NCR2: variants seen among roughly 807,000 people sequenced by gnomAD.
NCR2 encodes the protein NK cell activating receptor (NKp44).
Under a neutral mutation model 30.7 loss-of-function variants are expected in NCR2, and 35 were observed. The observed-to-expected ratio is 1.14, with a 90% CI of 0.87 to 1.51. NCR2 has a LOEUF of 1.51. Ranked by LOEUF, NCR2 falls within the 40% of genes most tolerant of loss-of-function variation. The pLI, the probability that NCR2 is intolerant of heterozygous loss-of-function variation, is 0.00. For synonymous variants in NCR2, 146 were observed against 134.8 expected (o/e 1.08, Z -0.58); for missense variants, 316 against 328.9 (o/e 0.96, Z 0.30).
intron 2 of NCR2, among the ~76,000 whole-genome samples, chr6:41,340,753 A>AAT (rs1196562615): frequency 1.3e-5 from 2 of 152,182 alleles, no homozygotes; most frequent in African/African-American, 4.8e-5. Context: ...TGACACATTC[A>AAT]ATAGCACATG....
At chr6:41,349,094 AT>A (rs1427780664) in intron 4 of NCR2, among the ~76,000 whole-genome samples, 5 of 146,786 alleles carry the variant, frequency 3.4e-5, no homozygotes, top group African/African-American at 9.8e-5. Flanking sequence ...TATTTTATAA[AT>A]TTTTTATATT....
At chr6:41,341,727 C>T (rs1427181538) in intron 2 of NCR2, 67 bp from the exon 3 acceptor site, 1 of 1,535,772 alleles carries the variant, frequency 6.5e-7, no homozygotes, top group East Asian at 2.3e-5. Context: ...CCCCATCCAG[C>T]TCTCCTGCCG....
chr6:41,339,733 A>G (rs1448393685), intron 2 of NCR2, among the ~76,000 whole-genome samples: 1 of 152,218 alleles, frequency 6.6e-6, no homozygotes, highest in Non-Finnish European at 1.5e-5. Flanking sequence ...TCCCTTTGCC[A>G]TGGAAGGCAA....
intron 4 of NCR2, chr6:41,342,906 C>T: frequency 6.5e-7 from 1 of 1,547,016 alleles, no homozygotes; most frequent in Non-Finnish European, 8.7e-7. Flanking sequence ...GTATTTCTCC[C>T]CTCATCTCAA....
intron 3 of NCR2, 24 bp from the exon 4 acceptor site, chr6:41,342,012 C>G: frequency 3.7e-6 from 6 of 1,613,860 alleles, no homozygotes; most frequent in Non-Finnish European, 5.1e-6. Flanking sequence ...CGTCCTCTCC[C>G]CTTCCTGTCC....
intron 4 of NCR2, among the ~76,000 whole-genome samples, chr6:41,349,282 C>T (rs776453621): frequency 6.6e-6 from 1 of 151,462 alleles, no homozygotes; most frequent in Non-Finnish European, 1.5e-5. Context: ...AATGGGAGTG[C>T]TAAGATAATC....
chr6:41,350,053 G>A (rs1769392420), intron 4 of NCR2, among the ~76,000 whole-genome samples: 1 of 152,200 alleles, frequency 6.6e-6, no homozygotes, highest in Admixed American at 6.5e-5. Context: ...CATTACTGCA[G>A]ATGACAGTGT....
intron 2 of NCR2, among the ~76,000 whole-genome samples, chr6:41,341,020 C>G (rs1049012662): frequency 6.6e-6 from 1 of 152,124 alleles, no homozygotes; most frequent in African/African-American, 2.4e-5. Flanking sequence ...ACCTCCTGGA[C>G]TCCAGTTAGG....
rs774607940 is a variant in NCR2, at chr6:41,336,192, G to A, written c.158G>A (p.Gly53Asp). Residue 53 changes from glycine to aspartate, a missense_variant, in exon 2 of 5, where the codon GGC becomes GAC. Coordinates refer to ENST00000373089, the MANE Select transcript of NCR2 (RefSeq NM_004828.4). ...PPTGSLYEKK[G>D]WCKEASALVC... The stretch of plus-strand genomic sequence containing the variant: ...ACGGGCAGTCTCTACGAGAAGAAAG[G>A]CTGGTGTAAGGAGGCTTCAGCACTT... 1.9e-6 allele frequency: 3 copies of A among 1,614,174 alleles called. No individual in the cohort carries two copies. In the Admixed American group the frequency reaches 5.0e-5, roughly 27 times the overall value.
chr6:41,344,292 A>G (rs1443357403), intron 4 of NCR2, among the ~76,000 whole-genome samples: 2 of 152,060 alleles, frequency 1.3e-5, no homozygotes, highest in Non-Finnish European at 2.9e-5. Context: ...CAGCCTCCAC[A>G]AGGAAGTGAA....
intron 4 of NCR2, among the ~76,000 whole-genome samples, chr6:41,349,104 T>C (rs1205493116): frequency 6.8e-6 from 1 of 147,134 alleles, no homozygotes; most frequent in Non-Finnish European, 1.5e-5. Flanking sequence ...ATTTTTTATA[T>C]TTTTATTTTT....
Position 41,335,641 on chromosome 6 carries a change from G to A in NCR2, c.-236G>A. On this transcript the variant is annotated 5_prime_UTR_variant, in exon 1 of 5. Transcript: ENST00000373089. ...TCTACAGAGGCCTGGGAAGCTGTGT[G>A]CCAGACAGCGCCGAGCCCACCAGAC... The A allele has an allele frequency of 5.4e-6, 3 of 559,762 alleles. No homozygotes were observed. The highest frequency in any genetic ancestry group is 9.6e-6 in the Non-Finnish European group (3 of 311,636). 34.7% of individuals were successfully genotyped at this position (559,762 alleles called of 1,614,324 possible).
In NCR2 at chr6:41,335,854, T is replaced by C. The variant is rs9394782; in HGVS notation, c.-23T>C. On this transcript the variant is annotated 5_prime_UTR_variant, in exon 1 of 5. It removes an upstream start codon present in the reference 5' UTR. Transcript: ENST00000373089. The stretch of plus-strand genomic sequence containing the variant: ...AGTCTTCTCCAGGTGTCCCCTCCCA[T>C]GAGCGCACAGGAAAAGGACCACATG... The C allele has an allele frequency of 0.67, 1,045,917 of 1,559,182 alleles. 354,581 individuals are homozygous for C. The highest frequency in any genetic ancestry group is 0.87 in the East Asian group (36,291 of 41,852).
rs760606738 is a variant in NCR2, at chr6:41,350,679, G to A, written c.646G>A (p.Gly216Arg). 28 of 1,612,548 alleles carry A rather than the reference G, an allele frequency of 1.7e-5. 1 individual carries two copies. The South Asian group carries it at 2.9e-4, about 16-fold the overall frequency. The change falls in exon 5 of 5, where the codon GGG (glycine) becomes AGG (arginine). Residue 216 changes from glycine to arginine, a missense_variant and splice_region_variant. Gly to Arg is a moderately radical substitution (Grantham distance 125, BLOSUM62 -2). Transcript: ENST00000373089. ...LVLSALLVWW[G>R]DIWWKTMMEL... ...CCTGGTTTCCTGCTCTGATTGCAGG[G>A]GGGACATATGGTGGAAAACCATGAT...
intron 4 of NCR2, among the ~76,000 whole-genome samples, chr6:41,345,092 T>A (rs1172716987): frequency 6.6e-6 from 1 of 151,974 alleles, no homozygotes; most frequent in Non-Finnish European, 1.5e-5. Context: ...GTCACCCTCA[T>A]CAGAGACTTA....
chr6:41,335,885 G>C lies in NCR2; in HGVS notation c.9G>C (p.Trp3Cys). 6.4e-7 allele frequency: 1 copy of C among 1,565,300 alleles called. No homozygotes were observed. Among genetic ancestry groups the C allele is most frequent in the African/African-American group, 1.4e-5 (1 of 73,082 alleles). ...CACAGGAAAAGGACCACATGGCCTGGCGAGCCCTACACCCACTGCTACTGC... is the reference window on the plus strand; with the variant it reads ...CACAGGAAAAGGACCACATGGCCTGCCGAGCCCTACACCCACTGCTACTGC... MAWRALHPLLLLL... is the reference protein window; with the variant it reads MACRALHPLLLLL... The change falls in exon 1 of 5, where the codon TGG becomes TGC. Residue 3 changes from tryptophan (W) to cysteine (C), a missense_variant. By Grantham distance (215) the Trp-to-Cys change is radical. Transcript: ENST00000373089.
intron 3 of NCR2, 40 bp from the exon 4 acceptor site, chr6:41,341,996 C>T (rs1384256607): frequency 1.9e-6 from 3 of 1,612,894 alleles, no homozygotes; most frequent in Non-Finnish European, 8.5e-7. Flanking sequence ...ACTTGCCTCC[C>T]CAGCCCGTCC....
rs116577634 is a variant in NCR2 at position 41,343,167 on chromosome 6, C to T, written c.644+1018C>T. 5,454 of 729,486 alleles carry T rather than the reference C, an allele frequency of 7.5e-3. 211 individuals are homozygous for T. In the African/African-American group the frequency reaches 0.084, roughly 11 times the overall value. The allele number at this position is 729,486 out of a possible 1,614,324, so 45.2% of individuals were successfully genotyped here. On this transcript the variant is annotated intron_variant, in intron 4 of 4. Coordinates refer to ENST00000373089, the MANE Select transcript of NCR2 (RefSeq NM_004828.4). ...TCCCTGCAGAGCTGCAGAACCCAGG[C>T]CCTCTACTTGCTCACCCTCAGTTTG... is the stretch of plus-strand genomic sequence containing the variant.
chr6:41,346,904 G>C (rs1005644664), intron 4 of NCR2, among the ~76,000 whole-genome samples: 2 of 152,038 alleles, frequency 1.3e-5, no homozygotes, highest in African/African-American at 4.8e-5. Context: ...AGAAGGAAAA[G>C]GGAGGGAGGG....
Sources: gnomAD v4.1 joint callset for allele counts (sites outside exome capture counted in the v4.1 genomes callset) on GRCh38, gnomAD v4.1.1 for gene constraint, MANE v1.5 for transcripts, NCBI Gene and HGNC (gene_info 2026-07-23, HGNC 2026-07-21) for gene names.